GOLM1: variants seen among roughly 807,000 people sequenced by gnomAD.
GOLM1 encodes epididymis luminal protein 46.
GOLM1 carries 31 observed loss-of-function variants against 50.5 expected under a neutral mutation model. That is an observed-to-expected ratio of 0.61 (90% CI 0.46 to 0.83). GOLM1 has a LOEUF of 0.83. GOLM1 is among the 40% of genes least tolerant of loss of function. The pLI is 0.00. For synonymous variants in GOLM1, 178 were observed against 192.8 expected, an observed-to-expected ratio of 0.92 and a Z score of 0.64; for missense variants, 491 against 501.3, an observed-to-expected ratio of 0.98 and a Z score of 0.20.
intron 5 of GOLM1, among the ~76,000 whole-genome samples, chr9:86,044,803 T>C (rs1180671931): frequency 6.6e-6 from 1 of 151,874 alleles, no homozygotes. Flanking sequence ...AATACAAAAA[T>C]TAACCAGGTG....
chr9:86,062,665 AG>A (rs1279430131), intron 3 of GOLM1, among the ~76,000 whole-genome samples: 1 of 145,140 alleles, frequency 6.9e-6, no homozygotes, highest in African/African-American at 2.5e-5. Flanking sequence ...GTGGAGGGAC[AG>A]AAAGGAAGAG....
At chr9:86,064,895 G>C (rs369018392) in intron 3 of GOLM1, among the ~76,000 whole-genome samples, 1 of 152,134 alleles carries the variant, frequency 6.6e-6, no homozygotes, top group Non-Finnish European at 1.5e-5. Context: ...ACAAAGGCTC[G>C]GAAGCTAAAA....
At chr9:86,033,167 T>C in intron 9 of GOLM1, 115 bp downstream of exon 9, 1 of 662,296 alleles carries the variant, frequency 1.5e-6, no homozygotes, top group East Asian at 2.7e-5. Flanking sequence ...ACGATCTCCT[T>C]GAAATGACCC....
chr9:86,080,745 T>C (rs755798387), intron 1 of GOLM1, among the ~76,000 whole-genome samples: 22 of 152,308 alleles, frequency 1.4e-4, no homozygotes, highest in Non-Finnish European at 3.1e-4. Context: ...CCTGTGCTCA[T>C]GTCTTACCAG....
Position 86,030,131 on chromosome 9 carries a change from T to C in GOLM1, c.1130-2238A>G, listed in dbSNP as rs560421734. Among the ~76,000 whole-genome samples, 109 of 143,646 alleles carry C rather than the reference T, an allele frequency of 7.6e-4. 1 individual carries two copies. Among genetic ancestry groups the C allele is most frequent in the Admixed American group, 7.5e-4 (10 of 13,416 alleles). The allele number at this position is 143,646 out of a possible 152,430, so 94.2% of individuals were successfully genotyped here. A position where few individuals can be genotyped will look rare whatever the true frequency, so the allele number is the denominator to read the frequency against. On this transcript the variant is annotated intron_variant, in intron 9 of 9. Coordinates refer to ENST00000388712, the MANE Select transcript of GOLM1 (RefSeq NM_016548.4). ...TACTCAGGAGGCTGAGGCAGGAGAA[T>C]CACTTAAACCCAGGAGGCGGAGACT...
chr9:86,091,810 T>C (rs1302078068), intron 1 of GOLM1, among the ~76,000 whole-genome samples: 1 of 152,160 alleles, frequency 6.6e-6, no homozygotes, highest in East Asian at 1.9e-4. Context: ...AAGCAGAAAA[T>C]AAACTCCATT....
At chr9:86,054,471 G>A (rs193172888) in intron 3 of GOLM1, among the ~76,000 whole-genome samples, 3 of 152,212 alleles carry the variant, frequency 2.0e-5, no homozygotes, top group African/African-American at 4.8e-5. Context: ...TGATTCGGCC[G>A]CCTTGGCCTC....
At chr9:86,061,185 C>G (rs1834152053) in intron 3 of GOLM1, among the ~76,000 whole-genome samples, 1 of 152,280 alleles carries the variant, frequency 6.6e-6, no homozygotes, top group African/African-American at 2.4e-5. Flanking sequence ...CCAACACACA[C>G]AGGCACACAT....
At position 86,029,458 on chromosome 9, in the gene GOLM1, G is replaced by A. The variant is rs111711857; in HGVS notation, c.1130-1565C>T. Among the ~76,000 whole-genome samples, 55 of 152,242 alleles carry A rather than the reference G, an allele frequency of 3.6e-4. No individual in the cohort carries two copies. The South Asian group carries it at 7.1e-3, about 20-fold the overall frequency. ...CCCTTTACAGAGCTGATGTCTGTAT[G>A]TAGCTTCTACCATCTGATCTTACTC... On this transcript the variant is annotated intron_variant, in intron 9 of 9. Coordinates refer to ENST00000388712, the MANE Select transcript of GOLM1 (RefSeq NM_016548.4).
chr9:86,046,501 T>C lies in GOLM1; in HGVS notation c.436A>G (p.Thr146Ala), dbSNP rs1438979508. 2 of 1,612,830 alleles carry C rather than the reference T, an allele frequency of 1.2e-6. No individual in the cohort carries two copies. The highest frequency in any genetic ancestry group is 8.5e-7 in the Non-Finnish European group (1 of 1,178,964). The change falls in exon 5 of 10, where the codon ACC (threonine) becomes GCC (alanine). Residue 146 changes from threonine to alanine, a missense_variant. Thr to Ala is a moderately conservative substitution (Grantham distance 58). Transcript: ENST00000388712. The stretch of plus-strand genomic sequence containing the variant: ...TAGGAGAACTTCCTCTCCAGGTTGG[T>C]CTGGTTCTTCTGAAACTGGAGGACA... Reference protein sequence around the residue: ...QDVLQFQKNQTNLERKFSYDL... With the variant: ...QDVLQFQKNQANLERKFSYDL...
chr9:86,036,572 C>T, intron 6 of GOLM1, 65 bp from the exon 7 acceptor site: 1 of 1,532,822 alleles, frequency 6.5e-7, no homozygotes, highest in Non-Finnish European at 8.9e-7. Flanking sequence ...GTAAAAGAAT[C>T]CTACCAATGC....
chr9:86,059,089 T>A lies in GOLM1; in HGVS notation c.310-6498A>T, dbSNP rs140843387. ...GAGAGAAACTAGAACCCCCCCCCAA[T>A]ACACAGTGGCTAAGAATGTAAAATG... is the stretch of plus-strand genomic sequence containing the variant. On this transcript the variant is annotated intron_variant, in intron 3 of 9. Coordinates refer to ENST00000388712, the MANE Select transcript of GOLM1 (RefSeq NM_016548.4). Among the ~76,000 whole-genome samples, 125 of 151,834 alleles carry A rather than the reference T, an allele frequency of 8.2e-4. 2 individuals carry two copies. Among genetic ancestry groups the A allele is most frequent in the African/African-American group, 3.0e-3 (122 of 41,312 alleles).
At chr9:86,040,600 T>C in intron 6 of GOLM1, 139 bp downstream of exon 6, 1 of 729,646 alleles carries the variant, frequency 1.4e-6, no homozygotes. Flanking sequence ...AGTACCAGGT[T>C]CTGCTCTGTT....
chr9:86,062,217 C>T (rs544770109), intron 3 of GOLM1, among the ~76,000 whole-genome samples: 6 of 152,238 alleles, frequency 3.9e-5, no homozygotes, highest in Admixed American at 2.6e-4. Flanking sequence ...TCCCAGGACC[C>T]GCCCTGGGGT....
chr9:86,079,205 C>T lies in GOLM1; in HGVS notation c.116G>A (p.Ser39Asn). ...GFNYWIASSRSVDLQTRIMEL... is the reference protein window; with the variant it reads ...GFNYWIASSRNVDLQTRIMEL... ...AAAACAAAACACCTGGAGGTCCACG[C>T]TCCGGGAGCTCGCAATCCAGTAGTT... Residue 39 changes from serine to asparagine, a missense_variant, in exon 2 of 10, where the codon AGC becomes AAC. Ser to Asn is a conservative substitution (Grantham distance 46). Coordinates refer to ENST00000388712, the MANE Select transcript of GOLM1 (RefSeq NM_016548.4). 1 of 1,594,508 alleles carries T rather than the reference C, an allele frequency of 6.3e-7. No individual in the cohort carries two copies. Among genetic ancestry groups the T allele is most frequent in the Non-Finnish European group, 8.5e-7 (1 of 1,170,886 alleles).
At chr9:86,063,969 A>T (rs1025413957) in intron 3 of GOLM1, among the ~76,000 whole-genome samples, 1 of 152,218 alleles carries the variant, frequency 6.6e-6, no homozygotes, top group Non-Finnish European at 1.5e-5. Context: ...TTCCATGTGG[A>T]ACTTGTCCAT....
intron 1 of GOLM1, among the ~76,000 whole-genome samples, chr9:86,096,511 G>A (rs79003958): frequency 2.2e-3 from 333 of 152,222 alleles, no homozygotes; most frequent in Non-Finnish European, 3.6e-3. Context: ...TTTTGTGGCC[G>A]ACCCCAGACC....
intron 1 of GOLM1, among the ~76,000 whole-genome samples, chr9:86,097,663 C>T (rs1835392010): frequency 6.6e-6 from 1 of 152,172 alleles, no homozygotes; most frequent in African/African-American, 2.4e-5. Flanking sequence ...AGCACACCTG[C>T]CTAAAGTGAT....
chr9:86,092,488 G>A (rs7854478), intron 1 of GOLM1, among the ~76,000 whole-genome samples: 1 of 152,052 alleles, frequency 6.6e-6, no homozygotes, highest in Non-Finnish European at 1.5e-5. Flanking sequence ...AAAAAGGTTT[G>A]AGGAAGCCAA....
Sources: gnomAD v4.1 joint callset for allele counts (sites outside exome capture counted in the v4.1 genomes callset) on GRCh38, gnomAD v4.1.1 for gene constraint, MANE v1.5 for transcripts, NCBI Gene and HGNC (gene_info 2026-07-23, HGNC 2026-07-21) for gene names.